THSD7B: variants seen among roughly 807,000 people sequenced by gnomAD.
The protein encoded by THSD7B is thrombospondin type 1 domain containing 7B, also known as thrombospondin type-1 domain-containing protein 7B.
In THSD7B, 138 loss-of-function variants were observed where a neutral mutation model predicts 213.6. The observed-to-expected ratio is 0.65, with a 90% confidence interval of 0.56 to 0.74. The LOEUF (loss-of-function observed/expected upper bound fraction) is 0.74, where lower values mean the gene tolerates loss of function less well. Among genes scored for constraint, THSD7B ranks in the 30% least tolerant of loss-of-function variants. The pLI is 0.00. For synonymous variants in THSD7B, 742 were observed against 687.0 expected (o/e 1.08, Z -1.25); for missense variants, 1,931 against 1,991.5 (o/e 0.97, Z 0.58).
intron 12 of THSD7B, among the ~76,000 whole-genome samples, chr2:137,402,993 T>G (rs1686406897): frequency 6.6e-6 from 1 of 152,158 alleles, no homozygotes; most frequent in Admixed American, 6.5e-5. Context: ...TCAAAGAACA[T>G]TTGCTTGTAC....
chr2:137,359,989 G>A (rs1040443728), intron 12 of THSD7B, among the ~76,000 whole-genome samples: 2 of 152,286 alleles, frequency 1.3e-5, no homozygotes, highest in Middle Eastern at 6.8e-3. Context: ...AGGAATAAAA[G>A]TCAGCCTAAA....
At chr2:136,863,055 A>G (rs17664822) in intron 1 of THSD7B, among the ~76,000 whole-genome samples, 2,119 of 152,286 alleles carry the variant, frequency 0.014, 31 homozygotes, top group Non-Finnish European at 0.021. Context: ...GTGTTTCCCC[A>G]TGCTCCAACC....
intron 14 of THSD7B, among the ~76,000 whole-genome samples, chr2:137,442,189 A>T (rs1687426590): frequency 6.6e-6 from 1 of 152,098 alleles, no homozygotes; most frequent in Non-Finnish European, 1.5e-5. Context: ...ATAATAAATT[A>T]TATATTTTCC....
chr2:136,932,030 A>G (rs1376663258), intron 2 of THSD7B, among the ~76,000 whole-genome samples: 1 of 152,184 alleles, frequency 6.6e-6, no homozygotes, highest in Non-Finnish European at 1.5e-5. Context: ...TGGTTCTGAT[A>G]CTTATTTCAA....
At chr2:136,846,663 G>A (rs1683014267) in intron 1 of THSD7B, among the ~76,000 whole-genome samples, 3 of 152,226 alleles carry the variant, frequency 2.0e-5, no homozygotes, top group South Asian at 4.1e-4. Context: ...ATTGAAAATT[G>A]CCCTACTAGG....
chr2:137,243,938 A>G (rs1681968565), intron 10 of THSD7B, among the ~76,000 whole-genome samples: 1 of 152,204 alleles, frequency 6.6e-6, no homozygotes, highest in Non-Finnish European at 1.5e-5. Context: ...ACAGTGCTTT[A>G]TTTATCTGAT....
intron 5 of THSD7B, among the ~76,000 whole-genome samples, chr2:137,133,494 G>T (rs1315578625): frequency 1.3e-5 from 2 of 152,096 alleles, no homozygotes; most frequent in Non-Finnish European, 2.9e-5. Flanking sequence ...ATTACCCAGG[G>T]ATTTTTTTTT....
chr2:136,855,007 G>A lies in THSD7B; in HGVS notation c.-35-27137G>A, dbSNP rs536207150. Reference sequence around the variant, plus strand: ...GCTTCAAATAATTAGTCTCAATGTGGTCTGCTGTGATATGTAAGCATTGTT... The same window carrying A: ...GCTTCAAATAATTAGTCTCAATGTGATCTGCTGTGATATGTAAGCATTGTT... On this transcript the variant is annotated intron_variant, in intron 1 of 27. Coordinates refer to ENST00000409968, the MANE Select transcript of THSD7B (RefSeq NM_001316349.2). 2.0e-5 allele frequency among the ~76,000 whole-genome samples: 3 copies of A among 152,266 alleles called. No individual in the cohort carries two copies. In the South Asian group the frequency reaches 6.2e-4, roughly 32 times the overall value.
chr2:137,342,430 A>G (rs1055562267), intron 12 of THSD7B, among the ~76,000 whole-genome samples: 38 of 151,508 alleles, frequency 2.5e-4, no homozygotes, highest in African/African-American at 8.5e-4. Context: ...GATTTTTCAT[A>G]TATAAGAAAG....
At chr2:137,362,057 G>A (rs1685275367) in intron 12 of THSD7B, among the ~76,000 whole-genome samples, 1 of 152,200 alleles carries the variant, frequency 6.6e-6, no homozygotes, top group African/African-American at 2.4e-5. Context: ...CTACAAGCCA[G>A]AAGAGAGTGG....
At chr2:136,909,057 C>T (rs540853327) in intron 2 of THSD7B, among the ~76,000 whole-genome samples, 2 of 152,112 alleles carry the variant, frequency 1.3e-5, no homozygotes, top group African/African-American at 4.8e-5. Flanking sequence ...ATGGCATGTC[C>T]CTGTAGTCCC....
At chr2:137,090,758 T>G (rs996939122) in intron 3 of THSD7B, among the ~76,000 whole-genome samples, 34 of 152,164 alleles carry the variant, frequency 2.2e-4, no homozygotes, top group African/African-American at 8.2e-4. Context: ...GGACAAAAAT[T>G]TTTGTTGTGG....
At chr2:137,275,305 C>T (rs1682841468) in intron 11 of THSD7B, among the ~76,000 whole-genome samples, 1 of 152,042 alleles carries the variant, frequency 6.6e-6, no homozygotes, top group Admixed American at 6.6e-5. Context: ...GGTGCCCGTT[C>T]TTTTACTCTA....
chr2:137,563,440 T>G, intron 16 of THSD7B, 86 bp downstream of exon 16: 1 of 1,499,022 alleles, frequency 6.7e-7, no homozygotes, highest in East Asian at 2.3e-5. Context: ...TTTATCCAAG[T>G]ACACTCTGAT....
intron 2 of THSD7B, among the ~76,000 whole-genome samples, chr2:137,028,718 C>G (rs941554420): frequency 6.6e-6 from 1 of 152,186 alleles, no homozygotes; most frequent in Admixed American, 6.5e-5. Context: ...TGTGGACGCT[C>G]AAGGTGGGCA....
At chr2:136,821,222 G>T (rs1682559246) in intron 1 of THSD7B, among the ~76,000 whole-genome samples, 1 of 152,054 alleles carries the variant, frequency 6.6e-6, no homozygotes, top group African/African-American at 2.4e-5. Context: ...CCAGTAATTT[G>T]TATCAGCTCG....
At chr2:137,540,711 C>G (rs1680594306) in intron 15 of THSD7B, among the ~76,000 whole-genome samples, 1 of 151,682 alleles carries the variant, frequency 6.6e-6, no homozygotes, top group African/African-American at 2.4e-5. Flanking sequence ...AGAGAAACAG[C>G]TGTTTAGTCT....
intron 3 of THSD7B, among the ~76,000 whole-genome samples, chr2:137,093,446 G>A (rs1396851097): frequency 6.6e-6 from 1 of 152,192 alleles, no homozygotes; most frequent in East Asian, 1.9e-4. Context: ...GTTTACAGGA[G>A]GTCAAGTGGT....
intron 10 of THSD7B, among the ~76,000 whole-genome samples, chr2:137,272,291 A>G (rs1435145333): frequency 6.6e-6 from 1 of 152,056 alleles, no homozygotes; most frequent in Non-Finnish European, 1.5e-5. Flanking sequence ...ATTCTAATTA[A>G]ACATATTAAG....
Sources: allele counts gnomAD v4.1 joint callset (sites outside exome capture counted in the v4.1 genomes callset), GRCh38; gene constraint gnomAD v4.1.1; transcripts MANE v1.5; gene names NCBI Gene and HGNC (gene_info 2026-07-23, HGNC 2026-07-21).